INO80D: variants seen among roughly 807,000 people sequenced by gnomAD.
The protein encoded by INO80D is INO80 complex subunit D.
In INO80D, 21 loss-of-function variants were observed where a neutral mutation model predicts 87.6. The ratio of observed to expected loss-of-function variants is 0.24; its 90% CI spans 0.17 to 0.35. The LOEUF is 0.35. Among genes scored for constraint, INO80D ranks in the 10% least tolerant of loss-of-function variants. The pLI, the probability that INO80D is intolerant of heterozygous loss-of-function variation, is 1.00. For missense variants in INO80D, 982 were observed against 1,280.7 expected, an observed-to-expected ratio of 0.77 and a Z score of 3.56; for synonymous variants, 440 against 491.0, an observed-to-expected ratio of 0.90 and a Z score of 1.37.
At chr2:206,080,273 C>G (rs1372161275) in intron 1 of INO80D, among the ~76,000 whole-genome samples, 1 of 152,190 alleles carries the variant, frequency 6.6e-6, no homozygotes, top group East Asian at 1.9e-4. Context: ...CTACAAACTG[C>G]TCAGTGCCTT....
At position 205,996,438 on chromosome 2, in the gene INO80D, T is replaced by G. The variant is rs920347165; in HGVS notation, c.*7930A>C. 5.3e-5 allele frequency: 8 copies of G among 151,910 alleles called. No homozygotes were observed. The highest frequency in any genetic ancestry group is 3.4e-3 in the Middle Eastern group (1 of 294). 9.4% of individuals were successfully genotyped at this position (151,910 alleles called of 1,614,324 possible). ...TCAGACAAGCATTCATTGTGTAATA[T>G]CCATAAACAAAACTATAATCCAAAG... is the stretch of plus-strand genomic sequence containing the variant. On this transcript the variant is annotated 3_prime_UTR_variant, in exon 11 of 11. Coordinates refer to ENST00000403263, the MANE Select transcript of INO80D (RefSeq NM_017759.5).
intron 1 of INO80D, among the ~76,000 whole-genome samples, chr2:206,064,785 C>G (rs1689771008): frequency 1.3e-5 from 2 of 151,672 alleles, no homozygotes; most frequent in Admixed American, 1.3e-4. Flanking sequence ...AATTTGTAGT[C>G]TTCTCAAGAC....
intron 8 of INO80D, among the ~76,000 whole-genome samples, chr2:206,016,087 T>C (rs1270940839): frequency 6.6e-6 from 1 of 152,128 alleles, no homozygotes; most frequent in Admixed American, 6.6e-5. Context: ...GAATGGTAGA[T>C]CTACTGACAG....
chr2:206,077,295 G>A (rs991458673), intron 1 of INO80D, among the ~76,000 whole-genome samples: 13 of 151,088 alleles, frequency 8.6e-5, no homozygotes, highest in African/African-American at 2.9e-4. Context: ...AGCCAAGATC[G>A]CGCCACTGCA....
rs767984192 is a variant in INO80D, at chr2:205,995,890, G to C, written c.*8478C>G. On this transcript the variant is annotated 3_prime_UTR_variant, in exon 11 of 11. Transcript: ENST00000403263. ...ATGAGTTAGTTACAGAATTCAAGAG[G>C]CTAACATGTGACCTTGTATGCTTTC... 2 of 152,084 alleles carry C rather than the reference G, an allele frequency of 1.3e-5. No individual in the cohort carries two copies. The highest frequency in any genetic ancestry group is 2.4e-5 in the African/African-American group (1 of 41,422). The allele number at this position is 152,084 out of a possible 1,614,324, so 9.4% of individuals were successfully genotyped here.
At chr2:206,071,750 C>T (rs1689978941) in intron 1 of INO80D, among the ~76,000 whole-genome samples, 1 of 151,698 alleles carries the variant, frequency 6.6e-6, no homozygotes, top group Non-Finnish European at 1.5e-5. Context: ...ATTTCTCGAG[C>T]TTTTATATCT....
At chr2:206,067,467 T>A (rs980281016) in intron 1 of INO80D, among the ~76,000 whole-genome samples, 1 of 152,070 alleles carries the variant, frequency 6.6e-6, no homozygotes, top group African/African-American at 2.4e-5. Flanking sequence ...GGATATTGAA[T>A]GTTTCCAATA....
At chr2:206,025,570 A>ATATATATATATATATATAT (rs1559439755) in intron 6 of INO80D, 1 of 91,872 alleles carries the variant, frequency 1.1e-5, no homozygotes, top group African/African-American at 3.4e-5. Flanking sequence ...TATATATATA[A>ATATATATATATATATATAT]AATAACTAAA....
chr2:206,065,968 G>A (rs930048777), intron 1 of INO80D, among the ~76,000 whole-genome samples: 3 of 152,070 alleles, frequency 2.0e-5, no homozygotes, highest in African/African-American at 7.2e-5. Context: ...CCACTATAAA[G>A]AACAGCATGG....
rs1466950219 is a variant in INO80D, at chr2:205,996,504, G to A, written c.*7864C>T. The A allele has an allele frequency of 6.6e-6, 1 of 151,924 alleles. No individual in the cohort carries two copies. Among genetic ancestry groups the A allele is most frequent in the Non-Finnish European group, 1.5e-5 (1 of 67,936 alleles). The allele number at this position is 151,924 out of a possible 1,614,324, so 9.4% of individuals were successfully genotyped here. A position where few individuals can be genotyped will look rare whatever the true frequency, so the allele number is the denominator to read the frequency against. Reference sequence around the variant, plus strand: ...ATGTTCTGATGATGTACTCTAGACTGTCACCTCCTCTGGCTTACAGAATAA... The same window carrying A: ...ATGTTCTGATGATGTACTCTAGACTATCACCTCCTCTGGCTTACAGAATAA... On this transcript the variant is annotated 3_prime_UTR_variant, in exon 11 of 11. Transcript: ENST00000403263.
intron 3 of INO80D, among the ~76,000 whole-genome samples, chr2:206,061,602 C>A (rs1689693007): frequency 6.6e-6 from 1 of 152,200 alleles, no homozygotes; most frequent in Non-Finnish European, 1.5e-5. Flanking sequence ...CCTCACTAAG[C>A]AGCTGTTTCT....
intron 6 of INO80D, among the ~76,000 whole-genome samples, chr2:206,023,078 G>A (rs1443858117): frequency 6.6e-6 from 1 of 152,036 alleles, no homozygotes; most frequent in Non-Finnish European, 1.5e-5. Context: ...AAGGGTGCCT[G>A]TAATCCCAGC....
chr2:206,076,276 G>C (rs1690113943), intron 1 of INO80D, among the ~76,000 whole-genome samples: 1 of 152,122 alleles, frequency 6.6e-6, no homozygotes, highest in Admixed American at 6.6e-5. Flanking sequence ...CAAATGAAAA[G>C]AATATTTACT....
intron 1 of INO80D, among the ~76,000 whole-genome samples, chr2:206,068,507 T>C (rs1689878761): frequency 6.6e-6 from 1 of 152,206 alleles, no homozygotes; most frequent in Non-Finnish European, 1.5e-5. Context: ...ACAGCCATGC[T>C]CATTCATTTA....
At position 205,996,472 on chromosome 2, in the gene INO80D, T is replaced by C. The variant is rs1415666586; in HGVS notation, c.*7896A>G. On this transcript the variant is annotated 3_prime_UTR_variant, in exon 11 of 11. Coordinates refer to ENST00000403263, the MANE Select transcript of INO80D (RefSeq NM_017759.5). The stretch of plus-strand genomic sequence containing the variant: ...AAAACTATAATCCAAAGGACTTCCA[T>C]TTTAGTATGTTCTGATGATGTACTC... 1.3e-5 allele frequency: 2 copies of C among 151,958 alleles called. No homozygotes were observed. The highest frequency in any genetic ancestry group is 2.9e-5 in the Non-Finnish European group (2 of 67,930). 9.4% of individuals were successfully genotyped at this position (151,958 alleles called of 1,614,324 possible).
rs890802050 is a variant in INO80D, at chr2:205,993,765, A to C, written c.*10603T>G. On this transcript the variant is annotated 3_prime_UTR_variant, in exon 11 of 11. Transcript: ENST00000403263. ...TTAATACATCCAAAAGAAAGAAAGAAAAATGATTTTGTCACACTATATACA... is the reference window on the plus strand; with the variant it reads ...TTAATACATCCAAAAGAAAGAAAGACAAATGATTTTGTCACACTATATACA... The C allele has an allele frequency of 6.6e-6, 1 of 152,234 alleles. No homozygotes were observed. Among genetic ancestry groups the C allele is most frequent in the Non-Finnish European group, 1.5e-5 (1 of 68,034 alleles). The allele number at this position is 152,234 out of a possible 1,614,324, so 9.4% of individuals were successfully genotyped here. A position where few individuals can be genotyped will look rare whatever the true frequency, so the allele number is the denominator to read the frequency against.
At chr2:206,078,402 C>T (rs1025064139) in intron 1 of INO80D, among the ~76,000 whole-genome samples, 17 of 152,004 alleles carry the variant, frequency 1.1e-4, no homozygotes, top group Admixed American at 1.0e-3. Flanking sequence ...GGCAACACAG[C>T]GAGACTCCAT....
chr2:206,004,191 A>G lies in INO80D; in HGVS notation c.*177T>C. 1 of 630,382 alleles carries G rather than the reference A, an allele frequency of 1.6e-6. No individual in the cohort carries two copies. The highest frequency in any genetic ancestry group is 2.7e-6 in the Non-Finnish European group (1 of 364,204). 39.0% of individuals were successfully genotyped at this position (630,382 alleles called of 1,614,324 possible). ...GGAATGAGCACCAGTGCTAAGGAGC[A>G]CATGTGAACACTGTAGCGAGGTCCA... On this transcript the variant is annotated 3_prime_UTR_variant, in exon 11 of 11. Coordinates refer to ENST00000403263, the MANE Select transcript of INO80D (RefSeq NM_017759.5). This position sits in a 1 kb window ranked among gnomAD's most constrained non-coding sequence, Gnocchi z 4.9.
At chr2:206,014,417 T>A (rs1688264330) in intron 8 of INO80D, among the ~76,000 whole-genome samples, 1 of 152,104 alleles carries the variant, frequency 6.6e-6, no homozygotes, top group South Asian at 2.1e-4. Context: ...AGGGAGACAG[T>A]GGGAGATGAC....
Sources: gnomAD v4.1 joint callset for allele counts (sites outside exome capture counted in the v4.1 genomes callset) on GRCh38, gnomAD v4.1.1 for gene constraint, Gnocchi (gnomAD v3.1) non-coding constraint, MANE v1.5 for transcripts, NCBI Gene and HGNC (gene_info 2026-07-23, HGNC 2026-07-21) for gene names.